ARHGAP44: variants seen among roughly 807,000 people sequenced by gnomAD.
ARHGAP44 encodes the protein Rho GTPase activating protein 44.
A neutral mutation model predicts 106.8 loss-of-function variants in ARHGAP44; 43 were observed. The ratio of observed to expected loss-of-function variants is 0.40; its 90% CI spans 0.32 to 0.52. The LOEUF is 0.52. ARHGAP44 is among the 20% of genes least tolerant of loss of function. The probability of loss-of-function intolerance (pLI) is 0.48; values close to 1 mark genes in which losing one functional copy is unlikely to be tolerated. For synonymous variants in ARHGAP44, 439 were observed against 410.3 expected, an observed-to-expected ratio of 1.07 and a Z score of -0.85; for missense variants, 866 against 1,050.5, an observed-to-expected ratio of 0.82 and a Z score of 2.43.
At chr17:12,950,791 G>A (rs2038974995) in intron 12 of ARHGAP44, among the ~76,000 whole-genome samples, 1 of 152,144 alleles carries the variant, frequency 6.6e-6, no homozygotes, top group Non-Finnish European at 1.5e-5. Flanking sequence ...TTAGCCAGGG[G>A]CCTGTGAAAG....
chr17:12,898,997 A>G (rs1439234724), intron 3 of ARHGAP44, among the ~76,000 whole-genome samples: 1 of 151,658 alleles, frequency 6.6e-6, no homozygotes, highest in Non-Finnish European at 1.5e-5. Context: ...TTTGAGACAG[A>G]GTCTCACTCT....
chr17:12,893,206 GTTC>G, intron 1 of ARHGAP44, among the ~76,000 whole-genome samples: 1 of 152,214 alleles, frequency 6.6e-6, no homozygotes, highest in South Asian at 2.1e-4. Context: ...GAAGATGGAG[GTTC>G]TTCTTGTTAA....
At chr17:12,980,017 A>T in intron 18 of ARHGAP44, 41 bp from the exon 19 acceptor site, 1 of 1,545,604 alleles carries the variant, frequency 6.5e-7, no homozygotes, top group Non-Finnish European at 8.7e-7. Context: ...CCGCTCACTG[A>T]GTTCAGGGCT....
chr17:12,859,664 C>T (rs541248996), intron 1 of ARHGAP44, among the ~76,000 whole-genome samples: 3 of 152,170 alleles, frequency 2.0e-5, no homozygotes, highest in African/African-American at 7.2e-5. Context: ...ATAAATGTAC[C>T]CAGGACTTGT....
intron 1 of ARHGAP44, among the ~76,000 whole-genome samples, chr17:12,849,771 G>A (rs1002024506): frequency 2.0e-5 from 3 of 151,694 alleles, no homozygotes; most frequent in African/African-American, 7.3e-5. Flanking sequence ...AAAATAGGAT[G>A]GCATGTGTCA....
At chr17:12,864,892 A>AG (rs2036189439) in intron 1 of ARHGAP44, among the ~76,000 whole-genome samples, 1 of 152,186 alleles carries the variant, frequency 6.6e-6, no homozygotes, top group Admixed American at 6.5e-5. Context: ...TGAAAGATGA[A>AG]GGGGAAGAAA....
chr17:12,880,883 C>T (rs1275803025), intron 1 of ARHGAP44, among the ~76,000 whole-genome samples: 1 of 152,128 alleles, frequency 6.6e-6, no homozygotes, highest in Non-Finnish European at 1.5e-5. Context: ...CCCATTACTC[C>T]ATATCTCCAC....
intron 1 of ARHGAP44, among the ~76,000 whole-genome samples, chr17:12,879,726 A>G (rs2036668170): frequency 6.7e-6 from 1 of 150,150 alleles, no homozygotes; most frequent in Admixed American, 6.7e-5. Context: ...TAAAAAATAT[A>G]TATATATACA....
chr17:12,818,914 A>G (rs919678895), intron 1 of ARHGAP44, among the ~76,000 whole-genome samples: 1 of 152,094 alleles, frequency 6.6e-6, no homozygotes, highest in Non-Finnish European at 1.5e-5. Flanking sequence ...GTAGATACAG[A>G]CAAGCCGACT....
At position 12,955,894 on chromosome 17, in the gene ARHGAP44, G is replaced by A. The variant is rs751813242; in HGVS notation, c.1164G>A (p.Leu388=). ...ACTTGATAAAATTTTTATCCAAGCT[G>A]TCAGAATATCAAGATGTAAACAAGA... ...IRYLIKFLSK[L]SEYQDVNKMT... The change falls in exon 14 of 21, where the codon CTG becomes CTA. Residue 388 remains leucine (L), a synonymous_variant. Transcript: ENST00000379672. 6.2e-7 allele frequency: 1 copy of A among 1,613,448 alleles called. No homozygotes were observed. Among genetic ancestry groups the A allele is most frequent in the African/African-American group, 1.3e-5 (1 of 74,916 alleles).
intron 1 of ARHGAP44, among the ~76,000 whole-genome samples, chr17:12,800,243 A>C (rs1207266167): frequency 6.6e-6 from 1 of 152,212 alleles, no homozygotes; most frequent in Non-Finnish European, 1.5e-5. Flanking sequence ...CTTTTCCCAA[A>C]TCAAGCCCAG....
intron 16 of ARHGAP44, among the ~76,000 whole-genome samples, chr17:12,968,720 C>T (rs1016721983): frequency 6.6e-6 from 1 of 151,504 alleles, no homozygotes; most frequent in African/African-American, 2.4e-5. Context: ...TTTTCCAGTC[C>T]CCATTTTTTG....
chr17:12,890,534 G>T (rs1218701353), intron 1 of ARHGAP44, among the ~76,000 whole-genome samples: 2 of 152,110 alleles, frequency 1.3e-5, no homozygotes, highest in African/African-American at 4.8e-5. Context: ...AGGCATCTTG[G>T]GCTAGTCTGA....
chr17:12,937,581 G>T (rs1264256185), intron 7 of ARHGAP44, among the ~76,000 whole-genome samples: 1 of 152,202 alleles, frequency 6.6e-6, no homozygotes, highest in Non-Finnish European at 1.5e-5. Context: ...TTTCAGGGCA[G>T]CAGTTTGCTC....
chr17:12,886,964 G>GTTTTTTTTTTTTTTTTTT (rs769468845), intron 1 of ARHGAP44, among the ~76,000 whole-genome samples: 1 of 109,004 alleles, frequency 9.2e-6, no homozygotes, highest in Admixed American at 8.9e-5. Flanking sequence ...TTTTCTAAGA[G>GTTTTTTTTTTTTTTTTTT]TTTTTTTTTT....
At chr17:12,870,763 G>C (rs2150881954) in intron 1 of ARHGAP44, among the ~76,000 whole-genome samples, 1 of 152,182 alleles carries the variant, frequency 6.6e-6, no homozygotes, top group South Asian at 2.1e-4. Context: ...ATGAGGTTTT[G>C]GTTCCATTAT....
intron 16 of ARHGAP44, 66 bp from the exon 17 acceptor site, chr17:12,973,236 A>G: frequency 6.5e-7 from 1 of 1,533,868 alleles, no homozygotes; most frequent in East Asian, 2.3e-5. Flanking sequence ...CAGAAAGACA[A>G]CCTTTATGTC....
chr17:12,949,267 C>T lies in ARHGAP44; in HGVS notation c.973+16C>T, dbSNP rs544751989. 2.5e-5 allele frequency: 39 copies of T among 1,550,120 alleles called. No individual in the cohort carries two copies. The highest frequency in any genetic ancestry group is 3.7e-4 in the Middle Eastern group (2 of 5,418). On this transcript the variant is annotated intron_variant, in intron 11 of 20. Coordinates refer to ENST00000379672, the MANE Select transcript of ARHGAP44 (RefSeq NM_014859.6). This position sits in a 1 kb window ranked among gnomAD's most constrained non-coding sequence, Gnocchi z 4.1. ...GCAATTGCAGGTGGGCACCTCTCAG[C>T]GCTCCTGTGTGCCATGGAGGCTCAC...
chr17:12,959,411 A>G (rs2039204995), intron 16 of ARHGAP44, among the ~76,000 whole-genome samples: 1 of 152,292 alleles, frequency 6.6e-6, no homozygotes, highest in African/African-American at 2.4e-5. Flanking sequence ...CCTATCTTTT[A>G]TTATTAACAT....
Sources: gnomAD v4.1 joint callset for allele counts (sites outside exome capture counted in the v4.1 genomes callset) on GRCh38, gnomAD v4.1.1 for gene constraint, Gnocchi (gnomAD v3.1) non-coding constraint, MANE v1.5 for transcripts, NCBI Gene and HGNC (gene_info 2026-07-23, HGNC 2026-07-21) for gene names.